Variants in KDM2B observed in about 807,000 individuals in gnomAD.
The protein encoded by KDM2B is lysine demethylase 2B.
In KDM2B, 26 loss-of-function variants were observed where a neutral mutation model predicts 150.0. The ratio of observed to expected loss-of-function variants is 0.17; its 90% CI spans 0.13 to 0.24. The LOEUF (loss-of-function observed/expected upper bound fraction) is 0.24. Ranked by LOEUF, KDM2B falls within the 10% of genes least tolerant of loss-of-function variation. KDM2B has a pLI of 1.00. For missense variants in KDM2B, 1,265 were observed against 1,816.9 expected (o/e 0.70, Z 5.52); for synonymous variants, 734 against 729.5 (o/e 1.01, Z -0.10).
At chr12:121,465,225 G>A (rs1879715843) in intron 12 of KDM2B, among the ~76,000 whole-genome samples, 1 of 152,110 alleles carries the variant, frequency 6.6e-6, no homozygotes, top group African/African-American at 2.4e-5. Context: ...GTTTGTTTTT[G>A]TTTTTGTTTT....
chr12:121,572,270 T>TCC (rs1891154384), intron 4 of KDM2B, among the ~76,000 whole-genome samples: 1 of 152,072 alleles, frequency 6.6e-6, no homozygotes, highest in African/African-American at 2.4e-5. Context: ...ACAGAGATAC[T>TCC]CCCTTCACCC....
intron 22 of KDM2B, 73 bp downstream of exon 22, chr12:121,439,784 G>A (rs782373120): frequency 4.2e-5 from 49 of 1,172,264 alleles, no homozygotes; most frequent in Middle Eastern, 3.8e-4. Context: ...CACACGAATC[G>A]TTTTCCACAA....
intron 6 of KDM2B, among the ~76,000 whole-genome samples, chr12:121,542,825 C>T (rs1375377525): frequency 1.3e-5 from 2 of 152,146 alleles, no homozygotes; most frequent in African/African-American, 2.4e-5. Context: ...AAATTATTCC[C>T]TCATTGGCTT....
intron 10 of KDM2B, among the ~76,000 whole-genome samples, chr12:121,511,575 C>T (rs1228252646): frequency 2.6e-5 from 4 of 152,170 alleles, no homozygotes; most frequent in Admixed American, 6.5e-5. Flanking sequence ...CGTGAGCCAT[C>T]GCGCCCGGTG....
At chr12:121,559,367 G>T (rs759704692) in intron 4 of KDM2B, among the ~76,000 whole-genome samples, 2 of 152,124 alleles carry the variant, frequency 1.3e-5, no homozygotes, top group Non-Finnish European at 1.5e-5. Context: ...GAAGTGGTGG[G>T]AGGAGGAAGG....
chr12:121,522,613 C>T (rs1482631254), intron 8 of KDM2B, among the ~76,000 whole-genome samples: 1 of 151,994 alleles, frequency 6.6e-6, no homozygotes, highest in Non-Finnish European at 1.5e-5. Flanking sequence ...TTTGGAAGAC[C>T]GAGGCGGGAG....
intron 11 of KDM2B, among the ~76,000 whole-genome samples, chr12:121,503,135 G>A (rs1884745899): frequency 1.3e-5 from 2 of 151,700 alleles, no homozygotes; most frequent in South Asian, 4.2e-4. Flanking sequence ...GCGCCATCAC[G>A]CCCAACTAAT....
At position 121,573,457 on chromosome 12, in the gene KDM2B, TAG is replaced by T. The variant is rs1358844844; in HGVS notation, c.397+1088_397+1089del. Reference sequence around the variant, plus strand: ...ACCACCACGCCCAGCTAATTTTTTGTAGAGAGAGGGTTTCACCATGTTGCCCA... The same window carrying T: ...ACCACCACGCCCAGCTAATTTTTTGTAGAGAGGGTTTCACCATGTTGCCCA... On this transcript the variant is annotated intron_variant, in intron 4 of 22. Transcript: ENST00000377071. Among the ~76,000 whole-genome samples the T allele has an allele frequency of 2.5e-4, 38 of 151,948 alleles. 1 individual carries two copies.
chr12:121,562,033 G>A (rs943341211), intron 4 of KDM2B, among the ~76,000 whole-genome samples: 17 of 151,786 alleles, frequency 1.1e-4, no homozygotes, highest in Admixed American at 3.3e-4. Context: ...TTAGCCGGGC[G>A]TGGTGGTGCG....
intron 12 of KDM2B, among the ~76,000 whole-genome samples, chr12:121,482,547 G>A (rs1168400807): frequency 6.6e-6 from 1 of 151,998 alleles, no homozygotes; most frequent in African/African-American, 2.4e-5. Context: ...TGATCCACTC[G>A]CTTCGGCCTC....
At chr12:121,447,094 G>C (rs187107210) in intron 13 of KDM2B, among the ~76,000 whole-genome samples, 43 of 152,182 alleles carry the variant, frequency 2.8e-4, no homozygotes, top group African/African-American at 7.9e-4. Flanking sequence ...GAGTATCAGA[G>C]TATCCACAGT....
In KDM2B at chr12:121,510,018, A is replaced by G; in HGVS notation, c.1196T>C (p.Ile399Thr). 1 of 1,564,558 alleles carries G rather than the reference A, an allele frequency of 6.4e-7. No individual in the cohort carries two copies. Among genetic ancestry groups the G allele is most frequent in the South Asian group, 1.2e-5 (1 of 83,174 alleles). ...MLIDAPRKPS[I>T]DGFSSDSWLE... The stretch of plus-strand genomic sequence containing the variant: ...CCAGGAATCCGAAGAGAAGCCGTCT[A>G]TGCTGGGCTTCCTCGGGGCATCTGT... Residue 399 changes from isoleucine (I) to threonine (T), a missense_variant, in exon 11 of 23, where the codon ATA becomes ACA. Ile to Thr is a moderately conservative substitution (Grantham distance 89). Transcript: ENST00000377071.
At chr12:121,573,731 G>T (rs1891293714) in intron 4 of KDM2B, among the ~76,000 whole-genome samples, 1 of 152,104 alleles carries the variant, frequency 6.6e-6, no homozygotes, top group South Asian at 2.1e-4. Flanking sequence ...GGGACCACAG[G>T]CGCCCGCCAC....
chr12:121,459,783 T>A (rs1423938463), intron 12 of KDM2B, among the ~76,000 whole-genome samples: 2 of 147,994 alleles, frequency 1.4e-5, no homozygotes, highest in African/African-American at 5.0e-5. Context: ...TGAGCCAAGA[T>A]CACACCATTG....
At chr12:121,530,768 C>T (rs1313515557) in intron 8 of KDM2B, among the ~76,000 whole-genome samples, 6 of 152,018 alleles carry the variant, frequency 3.9e-5, no homozygotes, top group Admixed American at 1.3e-4. Flanking sequence ...AAGACCTCCC[C>T]CAGCTTGCTT....
intron 8 of KDM2B, among the ~76,000 whole-genome samples, chr12:121,523,167 G>C (rs782082950): frequency 6.6e-6 from 1 of 152,244 alleles, no homozygotes; most frequent in African/African-American, 2.4e-5. Flanking sequence ...GCTGGCAAGC[G>C]ACAGCGGCTC....
intron 12 of KDM2B, among the ~76,000 whole-genome samples, chr12:121,457,905 C>A (rs1555293131): frequency 6.6e-6 from 1 of 152,184 alleles, no homozygotes; most frequent in East Asian, 1.9e-4. Flanking sequence ...CAGATATTAT[C>A]CACCAGAAAA....
intron 4 of KDM2B, among the ~76,000 whole-genome samples, chr12:121,560,813 G>A (rs1023687754): frequency 1.3e-5 from 2 of 152,196 alleles, no homozygotes; most frequent in Non-Finnish European, 2.9e-5. Context: ...GAGGCAGGTA[G>A]CCTAAAGGGA....
At chr12:121,476,282 C>T (rs934569188) in intron 12 of KDM2B, among the ~76,000 whole-genome samples, 7 of 150,438 alleles carry the variant, frequency 4.7e-5, no homozygotes, top group African/African-American at 7.3e-5. Flanking sequence ...AGGACGAGGG[C>T]GAGACTTCGC....
Sources: gnomAD v4.1 joint callset for allele counts (sites outside exome capture counted in the v4.1 genomes callset) on GRCh38, gnomAD v4.1.1 for gene constraint, MANE v1.5 for transcripts, NCBI Gene and HGNC (gene_info 2026-07-23, HGNC 2026-07-21) for gene names.